Variants in ZNF516 observed in about 807,000 individuals in gnomAD.
The protein encoded by ZNF516 is zinc finger protein 516.
Under a neutral mutation model 79.7 loss-of-function variants are expected in ZNF516, and 19 were observed. The observed-to-expected ratio is 0.24, with a 90% CI of 0.17 to 0.35. The LOEUF (loss-of-function observed/expected upper bound fraction) is 0.35, where lower values mean the gene tolerates loss of function less well. Ranked by LOEUF, ZNF516 falls within the 10% of genes least tolerant of loss-of-function variation. The pLI is 1.00. For missense variants in ZNF516, 1,678 were observed against 1,679.5 expected (o/e 1.00, Z 0.02); for synonymous variants, 877 against 739.5 (o/e 1.19, Z -3.02).
intron 3 of ZNF516, among the ~76,000 whole-genome samples, chr18:76,415,126 A>T (rs4891018): frequency 0.33 from 49,831 of 152,090 alleles, 8,426 homozygotes; most frequent in East Asian, 0.45. Flanking sequence ...CGAACCCAAG[A>T]AGTGAAGGTT....
At chr18:76,403,809 C>A (rs2075263503) in intron 3 of ZNF516, among the ~76,000 whole-genome samples, 1 of 152,204 alleles carries the variant, frequency 6.6e-6, no homozygotes, top group Non-Finnish European at 1.5e-5. Context: ...ATTTCATGAT[C>A]TATATGATGT....
chr18:76,404,599 A>G (rs1255757477), intron 3 of ZNF516, among the ~76,000 whole-genome samples: 1 of 152,212 alleles, frequency 6.6e-6, no homozygotes, highest in African/African-American at 2.4e-5. Flanking sequence ...GCATGTGTGC[A>G]TACTAGTGTA....
Position 76,361,762 on chromosome 18 carries a change from G to A in ZNF516, c.*736C>T, listed in dbSNP as rs2074540588. The A allele has an allele frequency of 6.6e-6, 1 of 152,228 alleles. No homozygotes were observed. The highest frequency in any genetic ancestry group is 2.4e-5 in the African/African-American group (1 of 41,448). 9.4% of individuals were successfully genotyped at this position (152,228 alleles called of 1,614,324 possible). A position where few individuals can be genotyped will look rare whatever the true frequency, so the allele number is the denominator to read the frequency against. On this transcript the variant is annotated 3_prime_UTR_variant, in exon 7 of 7. Transcript: ENST00000443185. ...GTTGCGCTAGCTCTCTTCCGAGGCGGAATCTACGCATTCCCACAGACGTGT... is the reference window on the plus strand; with the variant it reads ...GTTGCGCTAGCTCTCTTCCGAGGCGAAATCTACGCATTCCCACAGACGTGT...
At chr18:76,412,780 C>T (rs2075387421) in intron 3 of ZNF516, among the ~76,000 whole-genome samples, 1 of 152,190 alleles carries the variant, frequency 6.6e-6, no homozygotes, top group South Asian at 2.1e-4. Context: ...TTTTGGGCAA[C>T]CAGGGATTCC....
At chr18:76,489,628 G>A (rs1483182410) in intron 1 of ZNF516, among the ~76,000 whole-genome samples, 2 of 151,530 alleles carry the variant, frequency 1.3e-5, no homozygotes, top group Non-Finnish European at 1.5e-5. Flanking sequence ...TAGGACTTCA[G>A]GGTTCCAGGA....
chr18:76,464,055 T>TG (rs1272237371), intron 1 of ZNF516, among the ~76,000 whole-genome samples: 1 of 151,846 alleles, frequency 6.6e-6, no homozygotes, highest in Admixed American at 6.6e-5. Context: ...CGGGCGCGGG[T>TG]GCTCACACCT....
intron 2 of ZNF516, among the ~76,000 whole-genome samples, chr18:76,445,801 G>A (rs998660322): frequency 4.6e-5 from 7 of 152,254 alleles, no homozygotes; most frequent in African/African-American, 1.2e-4. Flanking sequence ...GGTCAGGGCC[G>A]TTAGAGACAG....
chr18:76,452,167 A>G (rs1262339744), intron 2 of ZNF516, among the ~76,000 whole-genome samples: 1 of 152,240 alleles, frequency 6.6e-6, no homozygotes, highest in Non-Finnish European at 1.5e-5. Flanking sequence ...CCCAGGGAGC[A>G]GCCGCCAGCA....
intron 6 of ZNF516, among the ~76,000 whole-genome samples, chr18:76,362,839 T>C (rs1488560268): frequency 6.6e-6 from 1 of 152,214 alleles, no homozygotes; most frequent in Non-Finnish European, 1.5e-5. Flanking sequence ...GCTTCTCTAA[T>C]GGTTTCACAT....
intron 4 of ZNF516, 41 bp from the exon 5 acceptor site, chr18:76,371,612 G>T: frequency 1.3e-6 from 2 of 1,564,422 alleles, no homozygotes; most frequent in Non-Finnish European, 1.7e-6. Context: ...GCCGTGGTGG[G>T]GTTGGCGTGG....
At chr18:76,491,479 T>C (rs1176689531) in intron 1 of ZNF516, among the ~76,000 whole-genome samples, 1 of 130,938 alleles carries the variant, frequency 7.6e-6, no homozygotes. Context: ...AGTTGGGCTG[T>C]GGGTCCGTCT....
At chr18:76,472,134 G>A (rs960967429) in intron 1 of ZNF516, among the ~76,000 whole-genome samples, 2 of 152,042 alleles carry the variant, frequency 1.3e-5, no homozygotes, top group Admixed American at 6.5e-5. Context: ...ACCTCCTGCC[G>A]GTCCCTTGGT....
chr18:76,380,755 C>T (rs1424917371), intron 3 of ZNF516, among the ~76,000 whole-genome samples: 1 of 152,184 alleles, frequency 6.6e-6, no homozygotes, highest in Non-Finnish European at 1.5e-5. Flanking sequence ...GGGTGGAGCC[C>T]ACAGTCACAG....
At chr18:76,462,186 G>A (rs1177823653) in intron 2 of ZNF516, among the ~76,000 whole-genome samples, 1 of 151,992 alleles carries the variant, frequency 6.6e-6, no homozygotes, top group African/African-American at 2.4e-5. Context: ...CACGCCAGAG[G>A]CCACCCCATC....
chr18:76,436,780 C>T (rs2075743815), intron 3 of ZNF516, among the ~76,000 whole-genome samples: 1 of 152,052 alleles, frequency 6.6e-6, no homozygotes, highest in African/African-American at 2.4e-5. Flanking sequence ...GTAAACACAT[C>T]CTCCAGGCCA....
intron 6 of ZNF516, among the ~76,000 whole-genome samples, chr18:76,364,044 G>A (rs2074579290): frequency 6.6e-6 from 1 of 152,210 alleles, no homozygotes; most frequent in Non-Finnish European, 1.5e-5. Context: ...TCAATGGACT[G>A]TTCCAGAGGC....
rs373540251 is a variant in ZNF516 at position 76,360,646 on chromosome 18, A to AAATATATATATATAT, written c.*1851_*1852insATATATATATATATT. 1.4e-4 allele frequency: 10 copies of AAATATATATATATAT among 72,462 alleles called. No homozygotes were observed. Among genetic ancestry groups the AAATATATATATATAT allele is most frequent in the African/African-American group, 4.3e-4 (7 of 16,374 alleles). 4.5% of individuals were successfully genotyped at this position (72,462 alleles called of 1,614,324 possible). A position where few individuals can be genotyped will look rare whatever the true frequency, so the allele number is the denominator to read the frequency against. ...AAAAAAATAAGTAAAAAAAAAAAAAAATATATATATATATATATATATATA... is the reference window on the plus strand; with the variant it reads ...AAAAAAATAAGTAAAAAAAAAAAAAAAATATATATATATATATATATATATATATATATATATATA... On this transcript the variant is annotated 3_prime_UTR_variant, in exon 7 of 7. Coordinates refer to ENST00000443185, the MANE Select transcript of ZNF516 (RefSeq NM_014643.4).
upstream of ZNF516, chr18:76,495,703 C>G: frequency 2.5e-6 from 3 of 1,190,760 alleles, no homozygotes; most frequent in South Asian, 4.3e-5. Context: ...TACAGACGTG[C>G]TCGGGATGCG....
At chr18:76,488,444 G>A in intron 1 of ZNF516, among the ~76,000 whole-genome samples, 1 of 141,390 alleles carries the variant, frequency 7.1e-6, no homozygotes, top group East Asian at 2.2e-4. Flanking sequence ...CCCGAGCAGT[G>A]AACAAACCCA....
Sources: gnomAD v4.1 joint callset for allele counts (sites outside exome capture counted in the v4.1 genomes callset) on GRCh38, gnomAD v4.1.1 for gene constraint, MANE v1.5 for transcripts, NCBI Gene and HGNC (gene_info 2026-07-23, HGNC 2026-07-21) for gene names.